Variants in PTH2R observed in about 807,000 individuals in gnomAD.
PTH2R encodes PTH2 receptor.
Under a neutral mutation model 60.3 loss-of-function variants are expected in PTH2R, and 59 were observed. The ratio of observed to expected loss-of-function variants is 0.98; its 90% CI spans 0.79 to 1.22. PTH2R has a LOEUF of 1.22. PTH2R is among the 50% of genes most tolerant of loss of function. The pLI, the probability that PTH2R is intolerant of heterozygous loss-of-function variation, is 0.00. For missense variants in PTH2R, 749 were observed against 682.6 expected (o/e 1.10, Z -1.08); for synonymous variants, 256 against 243.8 (o/e 1.05, Z -0.47).
At chr2:208,450,692 A>G in intron 7 of PTH2R, 57 bp from the exon 8 acceptor site, 1 of 1,564,094 alleles carries the variant, frequency 6.4e-7, no homozygotes, top group Non-Finnish European at 8.8e-7. Flanking sequence ...GAATTTGAGG[A>G]AAAAACCTCC....
chr2:208,386,231 C>A (rs1243818548), intron 1 of PTH2R, among the ~76,000 whole-genome samples: 3 of 152,164 alleles, frequency 2.0e-5, no homozygotes, highest in African/African-American at 7.2e-5. Flanking sequence ...TCTCACATAA[C>A]TCTCATTGAT....
At chr2:208,402,479 C>T (rs1218416366), upstream of PTH2R, among the ~76,000 whole-genome samples, 2 of 152,174 alleles carry the variant, frequency 1.3e-5, no homozygotes. Flanking sequence ...AACAAAATGT[C>T]ATAGCTCCCT....
chr2:208,411,257 T>A (rs906501215), intron 1 of PTH2R, among the ~76,000 whole-genome samples: 9 of 152,218 alleles, frequency 5.9e-5, no homozygotes, highest in South Asian at 2.1e-4. Context: ...GGACTGTCTT[T>A]GGCAGAATGA....
intron 6 of PTH2R, among the ~76,000 whole-genome samples, chr2:208,443,760 T>G (rs1165872630): frequency 6.6e-6 from 1 of 152,188 alleles, no homozygotes; most frequent in Non-Finnish European, 1.5e-5. Context: ...AAGAATATTC[T>G]GGAATGGAAA....
intron 10 of PTH2R, 78 bp from the exon 11 acceptor site, chr2:208,488,934 T>C (rs1703336025): frequency 6.5e-7 from 1 of 1,534,448 alleles, no homozygotes. Flanking sequence ...CTGCTAAGTT[T>C]TTTTTTTCCT....
At chr2:208,362,559 T>C (rs1700497518) in intron 1 of PTH2R, among the ~76,000 whole-genome samples, 1 of 152,174 alleles carries the variant, frequency 6.6e-6, no homozygotes, top group African/African-American at 2.4e-5. Context: ...TATATATGTC[T>C]GTTTCTTTGG....
chr2:208,437,723 G>C, intron 3 of PTH2R, 37 bp from the exon 4 acceptor site: 1 of 1,606,350 alleles, frequency 6.2e-7, no homozygotes, highest in Middle Eastern at 1.7e-4. Flanking sequence ...GATTCTAAGG[G>C]AACTGAGCGA....
chr2:208,406,887 A>G lies in PTH2R; in HGVS notation c.-157A>G, dbSNP rs547305486. ...AGAAGCGCGTGGCTCCGGCGACAAG[A>G]CCCCAAGCACCCTCGGCCGGTGGCC... On this transcript the variant is annotated 5_prime_UTR_variant, in exon 1 of 13. Coordinates refer to ENST00000272847, the MANE Select transcript of PTH2R (RefSeq NM_005048.4). 2 of 492,422 alleles carry G rather than the reference A, an allele frequency of 4.1e-6. No individual in the cohort carries two copies. Among genetic ancestry groups the G allele is most frequent in the Non-Finnish European group, 6.9e-6 (2 of 290,744 alleles). The allele number at this position is 492,422 out of a possible 1,614,324, so 30.5% of individuals were successfully genotyped here.
chr2:208,409,915 G>A (rs1701505385), intron 1 of PTH2R, among the ~76,000 whole-genome samples: 1 of 152,146 alleles, frequency 6.6e-6, no homozygotes, highest in African/African-American at 2.4e-5. Flanking sequence ...GGTGCTAGAG[G>A]TTTATTAGGG....
chr2:208,360,277 G>T (rs1325762533), intron 1 of PTH2R: 1 of 418,616 alleles, frequency 2.4e-6, no homozygotes, highest in Middle Eastern at 3.6e-4. Flanking sequence ...CCTTCTGCGT[G>T]AGCAGCCCCT....
At chr2:208,367,040 C>T (rs1230980472) in intron 1 of PTH2R, among the ~76,000 whole-genome samples, 1 of 152,116 alleles carries the variant, frequency 6.6e-6, no homozygotes, top group Admixed American at 6.5e-5. Flanking sequence ...AGAGTCTATT[C>T]TGGCTCAGGA....
At chr2:208,380,155 C>T (rs745871152) in intron 1 of PTH2R, among the ~76,000 whole-genome samples, 1 of 152,066 alleles carries the variant, frequency 6.6e-6, no homozygotes, top group African/African-American at 2.4e-5. Context: ...TTAGCTATTT[C>T]CCATTTAACA....
intron 1 of PTH2R, among the ~76,000 whole-genome samples, chr2:208,394,514 C>T: frequency 6.6e-6 from 1 of 152,236 alleles, no homozygotes; most frequent in East Asian, 1.9e-4. Context: ...TGACTGCAGG[C>T]ATGACCCTCT....
intron 1 of PTH2R, among the ~76,000 whole-genome samples, chr2:208,413,544 A>G (rs953395812): frequency 6.6e-6 from 1 of 152,206 alleles, no homozygotes; most frequent in Non-Finnish European, 1.5e-5. Context: ...TCAATAGTGC[A>G]AGAACTACAC....
At chr2:208,424,235 A>C (rs1441638394) in intron 1 of PTH2R, among the ~76,000 whole-genome samples, 1 of 151,936 alleles carries the variant, frequency 6.6e-6, no homozygotes, top group South Asian at 2.1e-4. Flanking sequence ...GGCCAGTGAG[A>C]GGGAATGTTT....
chr2:208,407,293 G>A (rs1170981868), intron 1 of PTH2R, among the ~76,000 whole-genome samples, 175 bp downstream of exon 1: 2 of 152,180 alleles, frequency 1.3e-5, no homozygotes, highest in Non-Finnish European at 2.9e-5. Flanking sequence ...AGTGGAGGGA[G>A]CTTCAAAGAT....
At chr2:208,377,582 C>T (rs1296129590) in intron 1 of PTH2R, among the ~76,000 whole-genome samples, 8 of 148,460 alleles carry the variant, frequency 5.4e-5, no homozygotes, top group East Asian at 2.0e-4. Context: ...GGCGGCTGGC[C>T]GGGCGGGGGC....
At chr2:208,475,331 A>G (rs1702977043) in intron 9 of PTH2R, among the ~76,000 whole-genome samples, 1 of 152,196 alleles carries the variant, frequency 6.6e-6, no homozygotes, top group Non-Finnish European at 1.5e-5. Context: ...TATAGTACAT[A>G]CATCTAAGCT....
chr2:208,377,696 C>T (rs1326379642), intron 1 of PTH2R, among the ~76,000 whole-genome samples: 21 of 145,270 alleles, frequency 1.4e-4, no homozygotes, highest in African/African-American at 4.6e-4. Context: ...ACTTCTCAGA[C>T]GGGGTGGCCG....
Sources: allele counts gnomAD v4.1 joint callset (sites outside exome capture counted in the v4.1 genomes callset), GRCh38; gene constraint gnomAD v4.1.1; transcripts MANE v1.5; gene names NCBI Gene and HGNC (gene_info 2026-07-23, HGNC 2026-07-21).